Variants in NPC1L1 observed in about 807,000 individuals in gnomAD.
The protein encoded by NPC1L1 is NPC1 like intracellular cholesterol transporter 1, also known as NPC1-like intracellular cholesterol transporter 1.
A neutral mutation model predicts 117.0 loss-of-function variants in NPC1L1; 98 were observed. The ratio of observed to expected loss-of-function variants is 0.84; its 90% CI spans 0.71 to 0.99. The LOEUF (loss-of-function observed/expected upper bound fraction) is 0.99, where lower values mean the gene tolerates loss of function less well. NPC1L1 is among the 50% of genes least tolerant of loss of function. The pLI, the probability that NPC1L1 is intolerant of heterozygous loss-of-function variation, is 0.00. For synonymous variants in NPC1L1, 729 were observed against 727.6 expected (o/e 1.00, Z -0.03); for missense variants, 1,540 against 1,710.0 (o/e 0.90, Z 1.75).
intron 14 of NPC1L1, among the ~76,000 whole-genome samples, chr7:44,519,126 T>G (rs1424792977): frequency 6.6e-6 from 1 of 151,984 alleles, no homozygotes; most frequent in Non-Finnish European, 1.5e-5. Flanking sequence ...ACTCCTGGGC[T>G]CAAGTGATCC....
intron 10 of NPC1L1, among the ~76,000 whole-genome samples, chr7:44,527,783 C>CA (rs1042823780): frequency 7.9e-5 from 12 of 151,482 alleles, no homozygotes; most frequent in East Asian, 3.9e-4. Context: ...GAGACTCATG[C>CA]AAAAAAAATC....
rs754847429 is a variant in NPC1L1, at chr7:44,534,550, GAGA to G, written c.2060_2062del (p.Phe687del). The stretch of plus-strand genomic sequence containing the variant: ...CAGGGAGGAGCGGATACCCAAGTAG[GAGA>G]AGAAGCCCATGGCAGCCATGACTGC... On this transcript the variant is annotated inframe_deletion, in exon 6 of 19. Transcript: ENST00000381160. This position sits in a 1 kb window ranked among gnomAD's most constrained non-coding sequence, Gnocchi z 5.2. The G allele has an allele frequency of 2.5e-6, 4 of 1,614,144 alleles. No individual in the cohort carries two copies. In the South Asian group the frequency reaches 3.3e-5, roughly 13 times the overall value.
intron 17 of NPC1L1, 54 bp downstream of exon 17, chr7:44,516,030 G>A: frequency 1.2e-6 from 2 of 1,608,582 alleles, no homozygotes; most frequent in Middle Eastern, 1.7e-4. Flanking sequence ...AGGGCATCAG[G>A]CAGGGCACAG....
At position 44,538,982 on chromosome 7, in the gene NPC1L1, T is replaced by G; in HGVS notation, c.1415A>C (p.Tyr472Ser). 1 of 1,614,086 alleles carries G rather than the reference T, an allele frequency of 6.2e-7. No homozygotes were observed. Among genetic ancestry groups the G allele is most frequent in the Non-Finnish European group, 8.5e-7 (1 of 1,180,008 alleles). ...GGTATTGTCCGGATTGAGGGGGGCG[T>G]AGCAGATGTCCTGCAGGGAGATGTT... Reference protein sequence around the residue: ...QRNISLQDICYAPLNPDNTSL... With the variant: ...QRNISLQDICSAPLNPDNTSL... Residue 472 changes from tyrosine to serine, a missense_variant, in exon 2 of 19, where the codon TAC becomes TCC. This residue lies in a region of NPC1L1 where 793 missense variants were observed against 820.4 expected (regional missense o/e 0.97). Transcript: ENST00000381160. This position sits in a 1 kb window ranked among gnomAD's most constrained non-coding sequence, Gnocchi z 5.9.
chr7:44,520,946 G>A (rs1469906296), intron 13 of NPC1L1, 46 bp downstream of exon 13: 4 of 1,613,886 alleles, frequency 2.5e-6, no homozygotes, highest in Non-Finnish European at 2.5e-6. Context: ...CCCATCCTGT[G>A]TCCCACATGT....
Position 44,521,773 on chromosome 7 carries a change from G to A in NPC1L1, c.2892C>T (p.Ser964=). The A allele has an allele frequency of 6.2e-7, 1 of 1,614,206 alleles. No homozygotes were observed. Among genetic ancestry groups the A allele is most frequent in the South Asian group, 1.1e-5 (1 of 91,080 alleles). Residue 964 remains serine, a synonymous_variant, in exon 12 of 19, where the codon TCC becomes TCT. Transcript: ENST00000381160. ...VDDFIDWLTP[S]SCCRLYISGP... ...CAGATATATAAAGGCGGCAGCAGGA[G>A]GACGGGGTCAGCCAGTCAATGAAGT...
chr7:44,532,402 C>G (rs1328914192), intron 8 of NPC1L1, among the ~76,000 whole-genome samples, 185 bp from the exon 9 acceptor site: 1 of 152,182 alleles, frequency 6.6e-6, no homozygotes, highest in Non-Finnish European at 1.5e-5. Context: ...AAATTTTACA[C>G]CATCATGGGA....
At chr7:44,530,565 A>G (rs1801665567) in intron 10 of NPC1L1, among the ~76,000 whole-genome samples, 1 of 152,210 alleles carries the variant, frequency 6.6e-6, no homozygotes, top group Non-Finnish European at 1.5e-5. Context: ...CCACAATAAA[A>G]AACGGAAAAA....
intron 14 of NPC1L1, among the ~76,000 whole-genome samples, chr7:44,519,498 A>C (rs1308870886): frequency 6.6e-6 from 1 of 152,100 alleles, no homozygotes; most frequent in Non-Finnish European, 1.5e-5. Context: ...TTCTGGAAAC[A>C]TGGGAACTTC....
chr7:44,538,034 C>T lies in NPC1L1; in HGVS notation c.1580+783G>A, dbSNP rs1801953469. Among the ~76,000 whole-genome samples the T allele has an allele frequency of 6.6e-6, 1 of 152,184 alleles. No individual in the cohort carries two copies. Among genetic ancestry groups the T allele is most frequent in the Non-Finnish European group, 1.5e-5 (1 of 68,042 alleles). Reference sequence around the variant, plus strand: ...TGGGGCCCTTAGGCGTCCTGGAGACCCTTTCCAGGGTCTGTAAGGTCAGAA... The same window carrying T: ...TGGGGCCCTTAGGCGTCCTGGAGACTCTTTCCAGGGTCTGTAAGGTCAGAA... On this transcript the variant is annotated intron_variant, in intron 2 of 18. Transcript: ENST00000381160. The surrounding 1 kb of genome is among the most constrained non-coding windows in gnomAD (Gnocchi z 5.9).
At position 44,540,160 on chromosome 7, in the gene NPC1L1, G is replaced by T; in HGVS notation, c.237C>A (p.Pro79=). The change falls in exon 2 of 19, where the codon CCC becomes CCA. Residue 79 remains proline (P), a synonymous_variant. Transcript: ENST00000381160. ...GGGTGTTGGGGCCGGTGTAGAGGCG[G>T]GGGCAGATCTTCTGTAATAGGATCA... ...DHLILLQKIC[P]RLYTGPNTQA... 1 of 1,614,090 alleles carries T rather than the reference G, an allele frequency of 6.2e-7. No individual in the cohort carries two copies. Among genetic ancestry groups the T allele is most frequent in the Non-Finnish European group, 8.5e-7 (1 of 1,180,008 alleles).
At chr7:44,529,062 C>T (rs1801612591) in intron 10 of NPC1L1, among the ~76,000 whole-genome samples, 1 of 148,352 alleles carries the variant, frequency 6.7e-6, no homozygotes, top group Non-Finnish European at 1.5e-5. Context: ...CAGACTGAGG[C>T]TCCATCTCAA....
At chr7:44,527,954 A>T (rs1158773163) in intron 10 of NPC1L1, among the ~76,000 whole-genome samples, 2 of 152,092 alleles carry the variant, frequency 1.3e-5, no homozygotes, top group Non-Finnish European at 2.9e-5. Flanking sequence ...CCTCCCAAGT[A>T]GCTAGGTTTA....
chr7:44,514,320 C>T (rs532067778), intron 18 of NPC1L1, among the ~76,000 whole-genome samples: 64 of 152,312 alleles, frequency 4.2e-4, no homozygotes, highest in African/African-American at 1.4e-3. Flanking sequence ...GTGCCTCAGC[C>T]TCCCAAAGTG....
chr7:44,536,158 G>C lies in NPC1L1; in HGVS notation c.1854+98C>G. 6.3e-7 allele frequency: 1 copy of C among 1,578,332 alleles called. No individual in the cohort carries two copies. The highest frequency in any genetic ancestry group is 8.7e-7 in the Non-Finnish European group (1 of 1,150,146). ...TTCTGAGCAGGCAGCCACTGCCCAGGGTCACTTAGGAAGGGCCAGGGCCAG... is the reference window on the plus strand; with the variant it reads ...TTCTGAGCAGGCAGCCACTGCCCAGCGTCACTTAGGAAGGGCCAGGGCCAG... On this transcript the variant is annotated intron_variant, in intron 4 of 18. Coordinates refer to ENST00000381160, the MANE Select transcript of NPC1L1 (RefSeq NM_001101648.2). The surrounding 1 kb of genome is among the most constrained non-coding windows in gnomAD (Gnocchi z 4.7).
rs748562310 is a variant in NPC1L1, at chr7:44,516,874, G to A, written c.3348C>T (p.Leu1116=). 3 of 1,614,130 alleles carry A rather than the reference G, an allele frequency of 1.9e-6. No homozygotes were observed. The highest frequency in any genetic ancestry group is 2.2e-5 in the East Asian group (1 of 44,874). The change falls in exon 16 of 19, where the codon CTC becomes CTT. Residue 1116 remains leucine, a synonymous_variant. Transcript: ENST00000381160. ...LTILPEGLFM[L]SLCLVPTFAV... The stretch of plus-strand genomic sequence containing the variant: ...CGAAGGTGGGCACAAGGCAGAGGCT[G>A]AGCATGAAGAGCCCCTCAGGGAGGA...
At position 44,541,301 on chromosome 7, in the gene NPC1L1, TCA is replaced by T. The variant is rs1802097285; in HGVS notation, c.-44_-43del. On this transcript the variant is annotated 5_prime_UTR_variant, in exon 1 of 19. Transcript: ENST00000381160. ...GGTCAGCGGGGAGCCAGGCCAGGCC[TCA>T]GGAACAGCCAAGGGCTGAACACACA... 2.6e-6 allele frequency: 4 copies of T among 1,542,944 alleles called. No individual in the cohort carries two copies. In the African/African-American group the frequency reaches 4.1e-5, roughly 16 times the overall value.
intron 14 of NPC1L1, among the ~76,000 whole-genome samples, chr7:44,520,096 G>A (rs217424): frequency 0.048 from 7,242 of 152,178 alleles, 266 homozygotes; most frequent in African/African-American, 0.096. Context: ...CTTGGCCAAC[G>A]TGGTGCAATT....
chr7:44,520,025 A>G (rs947316654), intron 14 of NPC1L1, among the ~76,000 whole-genome samples: 4 of 152,144 alleles, frequency 2.6e-5, no homozygotes, highest in African/African-American at 2.4e-5. Flanking sequence ...CATGCCTGTA[A>G]TACTAGCACT....
Sources: allele counts gnomAD v4.1 joint callset (sites outside exome capture counted in the v4.1 genomes callset), GRCh38; gene constraint gnomAD v4.1.1; regional missense constraint gnomAD v4.1.1; non-coding constraint Gnocchi (gnomAD v3.1); transcripts MANE v1.5; gene names NCBI Gene and HGNC (gene_info 2026-07-23, HGNC 2026-07-21).